SLCO3A1: variants seen among roughly 807,000 people sequenced by gnomAD.
SLCO3A1 encodes solute carrier organic anion transporter family member 3A1.
A neutral mutation model predicts 63.1 loss-of-function variants in SLCO3A1; 27 were observed. That is an observed-to-expected ratio of 0.43 (90% CI 0.32 to 0.59). The LOEUF (loss-of-function observed/expected upper bound fraction) is 0.59. Ranked by LOEUF, SLCO3A1 falls within the 20% of genes least tolerant of loss-of-function variation. SLCO3A1 has a pLI of 0.09. For synonymous variants in SLCO3A1, 473 were observed against 409.9 expected (o/e 1.15, Z -1.86); for missense variants, 773 against 945.8 (o/e 0.82, Z 2.40).
intron 9 of SLCO3A1, among the ~76,000 whole-genome samples, chr15:92,159,489 A>C (rs1274962015): frequency 6.6e-6 from 1 of 152,208 alleles, no homozygotes; most frequent in East Asian, 1.9e-4. Context: ...GTCTCAAAAA[A>C]AAAAAAAATT....
chr15:91,870,746 T>G (rs1036805657), intron 1 of SLCO3A1, among the ~76,000 whole-genome samples: 1 of 152,234 alleles, frequency 6.6e-6, no homozygotes, highest in Admixed American at 6.5e-5. Flanking sequence ...ATGTTTATTT[T>G]TAGCTTTCCT....
chr15:91,880,010 G>A (rs1897513671), intron 1 of SLCO3A1, among the ~76,000 whole-genome samples: 1 of 152,100 alleles, frequency 6.6e-6, no homozygotes, highest in Non-Finnish European at 1.5e-5. Flanking sequence ...TCTGAATGAA[G>A]CTGGCTGTGT....
intron 2 of SLCO3A1, among the ~76,000 whole-genome samples, chr15:92,032,205 C>T (rs945042619): frequency 6.6e-6 from 1 of 152,138 alleles, no homozygotes; most frequent in Admixed American, 6.5e-5. Context: ...AAATATTGTC[C>T]AGTATTTTCT....
At chr15:92,097,985 G>A (rs1208536097) in intron 3 of SLCO3A1, 1 of 152,160 alleles carries the variant, frequency 6.6e-6, no homozygotes, top group African/African-American at 2.4e-5. Flanking sequence ...CCAATGTATG[G>A]GAACATTACT....
chr15:91,978,376 C>G (rs1365196378), intron 2 of SLCO3A1, among the ~76,000 whole-genome samples: 1 of 152,174 alleles, frequency 6.6e-6, no homozygotes, highest in East Asian at 1.9e-4. Flanking sequence ...AAGTGTCTGG[C>G]ATCCACGCAA....
Position 91,954,835 on chromosome 15 carries a change from C to T in SLCO3A1, c.646+38377C>T, listed in dbSNP as rs118116217. Among the ~76,000 whole-genome samples, 1,355 of 152,130 alleles carry T rather than the reference C, an allele frequency of 8.9e-3. 17 individuals carry two copies. The highest frequency in any genetic ancestry group is 0.05 in the South Asian group (239 of 4,812). The stretch of plus-strand genomic sequence containing the variant: ...CTGGCCTAGACACCATACCCTGAAC[C>T]GCCCCCCGTGGTCTCCCGCTGCTTT... On this transcript the variant is annotated intron_variant, in intron 2 of 9. Coordinates refer to ENST00000318445, the MANE Select transcript of SLCO3A1 (RefSeq NM_013272.4). The surrounding 1 kb of genome is among the most constrained non-coding windows in gnomAD (Gnocchi z 4.7).
At chr15:92,005,626 C>T (rs2046303951) in intron 2 of SLCO3A1, among the ~76,000 whole-genome samples, 1 of 152,194 alleles carries the variant, frequency 6.6e-6, no homozygotes. Context: ...ATGCCAGCTG[C>T]CCAGCCTCTA....
chr15:91,938,482 G>GTTTTTTTTTTTT (rs71156621), intron 2 of SLCO3A1, among the ~76,000 whole-genome samples: 2 of 136,248 alleles, frequency 1.5e-5, no homozygotes, highest in African/African-American at 5.4e-5. Flanking sequence ...GGTTTTTTTT[G>GTTTTTTTTTTTT]TTTTTTTTTT....
chr15:91,874,108 T>C (rs1597077698), intron 1 of SLCO3A1, among the ~76,000 whole-genome samples: 1 of 152,194 alleles, frequency 6.6e-6, no homozygotes, highest in African/African-American at 2.4e-5. Context: ...TGTATATACC[T>C]ATGATAAAGT....
At position 92,095,948 on chromosome 15, in the gene SLCO3A1, G is replaced by A. The variant is rs989985897; in HGVS notation, c.745+969G>A. ...TATTTCATTAACCAAAGCAAGTCAC[G>A]TGGTGTATTGGTTTCCTGTTGCTGC... On this transcript the variant is annotated intron_variant, in intron 3 of 9. Coordinates refer to ENST00000318445, the MANE Select transcript of SLCO3A1 (RefSeq NM_013272.4). 4.6e-5 allele frequency among the ~76,000 whole-genome samples: 7 copies of A among 152,196 alleles called. No individual in the cohort carries two copies. In the East Asian group the frequency reaches 1.2e-3, roughly 25 times the overall value.
intron 2 of SLCO3A1, among the ~76,000 whole-genome samples, chr15:92,074,661 A>AC (rs1190002617): frequency 1.3e-5 from 2 of 152,186 alleles, no homozygotes; most frequent in Non-Finnish European, 2.9e-5. Context: ...CTAGAGGAAC[A>AC]CACTGCCTGC....
At chr15:92,006,897 G>A (rs1488162453) in intron 2 of SLCO3A1, among the ~76,000 whole-genome samples, 1 of 152,154 alleles carries the variant, frequency 6.6e-6, no homozygotes, top group African/African-American at 2.4e-5. Flanking sequence ...CCCTTTATTT[G>A]ATCTCTGTTT....
intron 2 of SLCO3A1, among the ~76,000 whole-genome samples, chr15:92,078,638 C>G (rs1395826931): frequency 6.6e-6 from 1 of 152,166 alleles, no homozygotes; most frequent in African/African-American, 2.4e-5. Flanking sequence ...TCTTCCTGTT[C>G]TTCCTCCCCT....
chr15:92,133,824 T>G (rs2048024632), intron 7 of SLCO3A1, among the ~76,000 whole-genome samples: 1 of 152,098 alleles, frequency 6.6e-6, no homozygotes, highest in African/African-American at 2.4e-5. Context: ...ATGATAAATG[T>G]GATGTGCTTG....
intron 2 of SLCO3A1, among the ~76,000 whole-genome samples, chr15:92,091,110 T>G (rs1045981474): frequency 2.6e-5 from 4 of 152,160 alleles, no homozygotes; most frequent in African/African-American, 9.7e-5. Flanking sequence ...TGGGGCCAGG[T>G]GCTGAACCAC....
chr15:91,978,746 G>T (rs1402517020), intron 2 of SLCO3A1, among the ~76,000 whole-genome samples: 1 of 152,126 alleles, frequency 6.6e-6, no homozygotes, highest in Admixed American at 6.5e-5. Flanking sequence ...ATTATTAATG[G>T]ATTCATATAT....
chr15:92,147,225 GGA>G (rs1418352233), intron 8 of SLCO3A1, 66 bp downstream of exon 8: 7 of 1,480,058 alleles, frequency 4.7e-6, no homozygotes, highest in Non-Finnish European at 6.4e-6. Context: ...GGCCTCCTAG[GGA>G]CCAGAGCTTC....
rs4932510 is a variant in SLCO3A1, at chr15:91,882,883, A to T, written c.180+28795A>T. ...GTGCGATAAGTATAACCTCATCAAGATTTCCTTGCAATTAGGTATCACCTT... is the reference window on the plus strand; with the variant it reads ...GTGCGATAAGTATAACCTCATCAAGTTTTCCTTGCAATTAGGTATCACCTT... On this transcript the variant is annotated intron_variant, in intron 1 of 9. Transcript: ENST00000318445. The surrounding 1 kb of genome is among the most constrained non-coding windows in gnomAD (Gnocchi z 4.4). Among the ~76,000 whole-genome samples the T allele has an allele frequency of 1, 152,316 of 152,330 alleles. 76,151 individuals carry two copies. The highest frequency in any genetic ancestry group is 1 in the Middle Eastern group (294 of 294).
intron 2 of SLCO3A1, among the ~76,000 whole-genome samples, chr15:91,973,064 G>A (rs1228080419): frequency 3.9e-5 from 6 of 152,170 alleles, no homozygotes; most frequent in South Asian, 2.1e-4. Context: ...GCAGTGAGCC[G>A]AGATCACGCC....
Sources: allele counts gnomAD v4.1 joint callset (sites outside exome capture counted in the v4.1 genomes callset), GRCh38; gene constraint gnomAD v4.1.1; non-coding constraint Gnocchi (gnomAD v3.1); transcripts MANE v1.5; gene names NCBI Gene and HGNC (gene_info 2026-07-23, HGNC 2026-07-21).